The following CDIN1 variants were observed in gnomAD, a reference collection of about 807,000 sequenced individuals.
CDIN1 encodes the protein CDAN1 interacting nuclease 1.
In CDIN1, 33 loss-of-function variants were observed where a neutral mutation model predicts 45.3. The ratio of observed to expected loss-of-function variants is 0.73; its 90% CI spans 0.55 to 0.97. CDIN1 has a LOEUF of 0.97. Ranked by LOEUF, CDIN1 falls within the 50% of genes least tolerant of loss-of-function variation. The pLI is 0.00. For missense variants in CDIN1, 303 were observed against 339.4 expected, an observed-to-expected ratio of 0.89 and a Z score of 0.84; for synonymous variants, 118 against 124.4, an observed-to-expected ratio of 0.95 and a Z score of 0.34.
intron 6 of CDIN1, 30 bp downstream of exon 6, chr15:36,691,794 G>T (rs765838681): frequency 6.8e-7 from 1 of 1,469,070 alleles, no homozygotes; most frequent in South Asian, 1.2e-5. Context: ...ATTTTCAGTG[G>T]CAATGCTGTT....
chr15:36,768,215 T>G (rs147183757), intron 10 of CDIN1, among the ~76,000 whole-genome samples: 82 of 152,316 alleles, frequency 5.4e-4, no homozygotes, highest in African/African-American at 1.7e-3. Flanking sequence ...CCTGAGCTGT[T>G]AAAGGCCACA....
intron 3 of CDIN1, among the ~76,000 whole-genome samples, chr15:36,649,090 A>G (rs1021026897): frequency 1.3e-5 from 2 of 152,256 alleles, no homozygotes; most frequent in Non-Finnish European, 2.9e-5. Context: ...TTAAATTTTC[A>G]GATATGTAAT....
intron 1 of CDIN1, chr15:36,618,901 C>T (rs1332902274): frequency 1.6e-6 from 2 of 1,270,312 alleles, no homozygotes; most frequent in Non-Finnish European, 2.3e-6. Context: ...GTAATCGTAA[C>T]ATAAATGTAG....
At chr15:36,607,165 G>A (rs550985401) in intron 1 of CDIN1, among the ~76,000 whole-genome samples, 1 of 152,242 alleles carries the variant, frequency 6.6e-6, no homozygotes, top group East Asian at 1.9e-4. Flanking sequence ...CCATGAAAAT[G>A]AACTGGAAAG....
At chr15:36,721,746 G>A (rs1018204562) in intron 10 of CDIN1, among the ~76,000 whole-genome samples, 6 of 151,812 alleles carry the variant, frequency 4.0e-5, no homozygotes, top group African/African-American at 1.5e-4. Flanking sequence ...ATACTTGAGG[G>A]AGACCTATTT....
chr15:36,614,559 CAATCT>C (rs2140285586), intron 1 of CDIN1, among the ~76,000 whole-genome samples: 1 of 152,324 alleles, frequency 6.6e-6, no homozygotes, highest in African/African-American at 2.4e-5. Context: ...CCTGAAGCAG[CAATCT>C]AATCCCTTTC....
intron 10 of CDIN1, among the ~76,000 whole-genome samples, chr15:36,765,885 G>A (rs1344698382): frequency 6.6e-6 from 1 of 152,144 alleles, no homozygotes; most frequent in Non-Finnish European, 1.5e-5. Context: ...GGGGATTTGT[G>A]TGTGTGTTTT....
At chr15:36,637,196 G>A (rs936709536) in intron 1 of CDIN1, among the ~76,000 whole-genome samples, 2 of 152,128 alleles carry the variant, frequency 1.3e-5, no homozygotes, top group Admixed American at 1.3e-4. Flanking sequence ...TAATTGTATG[G>A]AAATAATAAA....
At chr15:36,769,296 G>A (rs2054005864) in intron 10 of CDIN1, among the ~76,000 whole-genome samples, 1 of 152,164 alleles carries the variant, frequency 6.6e-6, no homozygotes, top group African/African-American at 2.4e-5. Context: ...AAATTCACAG[G>A]ATAGGCCGGC....
chr15:36,691,871 G>A (rs541247738), intron 6 of CDIN1, 107 bp downstream of exon 6: 32 of 936,644 alleles, frequency 3.4e-5, no homozygotes, highest in Non-Finnish European at 5.1e-5. Context: ...TATCACTGAG[G>A]TCAGGGTGCA....
intron 3 of CDIN1, among the ~76,000 whole-genome samples, chr15:36,650,635 G>A (rs2040538108): frequency 6.6e-6 from 1 of 151,722 alleles, no homozygotes; most frequent in Non-Finnish European, 1.5e-5. Flanking sequence ...TAGAGACAAG[G>A]TTTCACCATG....
chr15:36,710,217 T>C (rs542063795), intron 10 of CDIN1, among the ~76,000 whole-genome samples: 36 of 152,182 alleles, frequency 2.4e-4, no homozygotes, highest in Non-Finnish European at 4.4e-4. Flanking sequence ...TACAATAATA[T>C]TGGTGTCACT....
chr15:36,638,201 T>G (rs2039977732), intron 1 of CDIN1, among the ~76,000 whole-genome samples: 1 of 152,194 alleles, frequency 6.6e-6, no homozygotes, highest in African/African-American at 2.4e-5. Flanking sequence ...ACACACAATT[T>G]TTAAATGTAT....
chr15:36,757,746 A>G (rs1224138182), intron 10 of CDIN1, among the ~76,000 whole-genome samples: 1 of 152,084 alleles, frequency 6.6e-6, no homozygotes, highest in East Asian at 1.9e-4. Flanking sequence ...TCTGAAGCAG[A>G]TGATCCTCCT....
At chr15:36,734,568 A>C (rs751698097) in intron 10 of CDIN1, among the ~76,000 whole-genome samples, 1 of 152,104 alleles carries the variant, frequency 6.6e-6, no homozygotes, top group Non-Finnish European at 1.5e-5. Flanking sequence ...CAGAGCTTAC[A>C]TCGTCACCTC....
intron 5 of CDIN1, among the ~76,000 whole-genome samples, chr15:36,663,003 T>A (rs1247485372): frequency 6.6e-6 from 1 of 152,062 alleles, no homozygotes; most frequent in Non-Finnish European, 1.5e-5. Flanking sequence ...GATTTTTGAA[T>A]TTGGGATGCC....
chr15:36,790,131 A>G (rs1022968061), intron 10 of CDIN1: 1 of 152,210 alleles, frequency 6.6e-6, no homozygotes, highest in African/African-American at 2.4e-5. Context: ...GATTGTGGAT[A>G]TAACAACTTT....
chr15:36,684,538 C>A (rs907731360), intron 5 of CDIN1, among the ~76,000 whole-genome samples: 3 of 152,128 alleles, frequency 2.0e-5, no homozygotes, highest in South Asian at 2.1e-4. Flanking sequence ...GTCTAAAATT[C>A]TCTTTTTTGG....
At chr15:36,586,769 AAAAACAAAATAAAAC>A (rs2037321906) in intron 1 of CDIN1, among the ~76,000 whole-genome samples, 1 of 152,216 alleles carries the variant, frequency 6.6e-6, no homozygotes, top group Non-Finnish European at 1.5e-5. Context: ...ACATATTTCT[AAAAACAAAATAAAAC>A]AAAACAAAAT....
Sources: gnomAD v4.1 joint callset for allele counts (sites outside exome capture counted in the v4.1 genomes callset) on GRCh38, gnomAD v4.1.1 for gene constraint, MANE v1.5 for transcripts, NCBI Gene and HGNC (gene_info 2026-07-23, HGNC 2026-07-21) for gene names.